The following CNTNAP5 variants were observed in gnomAD, a reference collection of about 807,000 sequenced individuals.
The protein encoded by CNTNAP5 is contactin-associated protein-like 5.
Under a neutral mutation model 150.2 loss-of-function variants are expected in CNTNAP5, and 72 were observed. The observed-to-expected ratio is 0.48, with a 90% CI of 0.40 to 0.58. The LOEUF is 0.58. Ranked by LOEUF, CNTNAP5 falls within the 20% of genes least tolerant of loss-of-function variation. The pLI, the probability that CNTNAP5 is intolerant of heterozygous loss-of-function variation, is 0.00. For missense variants in CNTNAP5, 1,636 were observed against 1,626.2 expected (o/e 1.01, Z -0.10); for synonymous variants, 672 against 619.8 (o/e 1.08, Z -1.25).
At chr2:124,337,780 T>C (rs1041865803) in intron 3 of CNTNAP5, among the ~76,000 whole-genome samples, 16 of 152,044 alleles carry the variant, frequency 1.1e-4, no homozygotes, top group African/African-American at 3.9e-4. Flanking sequence ...ACTGTAGCCT[T>C]GTAGTATAGT....
chr2:124,898,816 G>T (rs1678359233), intron 21 of CNTNAP5, among the ~76,000 whole-genome samples: 1 of 151,382 alleles, frequency 6.6e-6, no homozygotes, highest in Admixed American at 6.6e-5. Context: ...ATAGTAGGAG[G>T]AGTAAAAGAT....
At chr2:124,778,846 GA>G (rs78363063) in intron 17 of CNTNAP5, among the ~76,000 whole-genome samples, 19,627 of 137,722 alleles carry the variant, frequency 0.14, 2,496 homozygotes, top group African/African-American at 0.35. Flanking sequence ...AAGTTAAAAA[GA>G]AAAAAAAAAA....
At chr2:124,402,715 A>T (rs1172599244) in intron 3 of CNTNAP5, among the ~76,000 whole-genome samples, 1 of 152,212 alleles carries the variant, frequency 6.6e-6, no homozygotes, top group Non-Finnish European at 1.5e-5. Context: ...AACTGTCGCT[A>T]TTAAACGACA....
chr2:124,105,545 A>C (rs1683154819), intron 1 of CNTNAP5, among the ~76,000 whole-genome samples: 1 of 152,206 alleles, frequency 6.6e-6, no homozygotes, highest in Non-Finnish European at 1.5e-5. Flanking sequence ...ATTAATAAAA[A>C]ACAATATCTT....
chr2:124,451,242 AAAAC>A (rs978828923), intron 6 of CNTNAP5, among the ~76,000 whole-genome samples: 5 of 151,288 alleles, frequency 3.3e-5, no homozygotes, highest in African/African-American at 7.3e-5. Context: ...CTTAGTCAAA[AAAAC>A]AAACAAAAAA....
chr2:124,375,364 A>G (rs1690620457), intron 3 of CNTNAP5, among the ~76,000 whole-genome samples: 1 of 152,186 alleles, frequency 6.6e-6, no homozygotes, highest in Admixed American at 6.5e-5. Context: ...ATTCTCTTAA[A>G]TGATGCTCAA....
chr2:124,558,378 A>G (rs1021579539), intron 10 of CNTNAP5, among the ~76,000 whole-genome samples: 2 of 151,574 alleles, frequency 1.3e-5, no homozygotes, highest in African/African-American at 4.8e-5. Flanking sequence ...TGTGATAGTG[A>G]AGAACACAGG....
chr2:124,026,946 AG>A (rs1398791105), intron 1 of CNTNAP5, among the ~76,000 whole-genome samples: 1 of 152,206 alleles, frequency 6.6e-6, no homozygotes, highest in Admixed American at 6.5e-5. Context: ...TGTGGTGTAT[AG>A]AAAAATGTTC....
chr2:124,451,075 T>C (rs375573306), intron 6 of CNTNAP5, among the ~76,000 whole-genome samples: 1,965 of 81,574 alleles, frequency 0.024, 26 homozygotes, highest in Non-Finnish European at 0.033. Flanking sequence ...TATATATATA[T>C]ATACACACAC....
chr2:124,263,795 G>A (rs1687526841), intron 3 of CNTNAP5, among the ~76,000 whole-genome samples: 1 of 152,178 alleles, frequency 6.6e-6, no homozygotes, highest in Non-Finnish European at 1.5e-5. Flanking sequence ...TAACATTTAA[G>A]TCTTTAATCC....
At chr2:124,567,929 T>C (rs1218875107) in intron 11 of CNTNAP5, among the ~76,000 whole-genome samples, 2 of 151,098 alleles carry the variant, frequency 1.3e-5, no homozygotes, top group Non-Finnish European at 3.0e-5. Context: ...GGGATATGCA[T>C]AGTGTTATTA....
chr2:124,782,106 A>G (rs1348738436), intron 17 of CNTNAP5, among the ~76,000 whole-genome samples: 1 of 151,840 alleles, frequency 6.6e-6, no homozygotes, highest in Non-Finnish European at 1.5e-5. Flanking sequence ...TGAAGCCTGC[A>G]GTTTTCCCCT....
chr2:124,591,827 A>G (rs1696690442), intron 11 of CNTNAP5, among the ~76,000 whole-genome samples: 1 of 152,214 alleles, frequency 6.6e-6, no homozygotes. Context: ...ATAAGTCTTC[A>G]TCAAACAAGT....
intron 3 of CNTNAP5, among the ~76,000 whole-genome samples, chr2:124,263,603 G>T (rs1267418716): frequency 2.0e-5 from 3 of 152,120 alleles, no homozygotes; most frequent in Non-Finnish European, 2.9e-5. Context: ...TAGGTTGCCT[G>T]TTCACGCTGA....
At chr2:124,307,364 C>T (rs1300301221) in intron 3 of CNTNAP5, among the ~76,000 whole-genome samples, 1 of 152,134 alleles carries the variant, frequency 6.6e-6, no homozygotes, top group African/African-American at 2.4e-5. Flanking sequence ...GGTCCCATCT[C>T]CAAGTACCAT....
intron 10 of CNTNAP5, among the ~76,000 whole-genome samples, chr2:124,562,164 A>T (rs78385264): frequency 0.016 from 2,478 of 152,272 alleles, 64 homozygotes; most frequent in African/African-American, 0.056. Context: ...CTGGAAGAAA[A>T]AAATGTTACC....
At chr2:124,603,189 G>A (rs1221483735) in intron 11 of CNTNAP5, among the ~76,000 whole-genome samples, 1 of 151,902 alleles carries the variant, frequency 6.6e-6, no homozygotes, top group Admixed American at 6.6e-5. Context: ...TGCCATTTTT[G>A]TTGAAGAAAC....
chr2:124,440,402 G>A (rs1438597267), intron 5 of CNTNAP5, among the ~76,000 whole-genome samples: 1 of 151,946 alleles, frequency 6.6e-6, no homozygotes, highest in African/African-American at 2.4e-5. Flanking sequence ...TTTTTCTCAG[G>A]CTGTCTGAAA....
At chr2:124,221,931 T>G in intron 2 of CNTNAP5, 122 bp downstream of exon 2, 1 of 653,440 alleles carries the variant, frequency 1.5e-6, no homozygotes, top group Non-Finnish European at 2.7e-6. Flanking sequence ...AGGAAAATAT[T>G]TACGAGGAGA....
Sources: gnomAD v4.1 joint callset for allele counts (sites outside exome capture counted in the v4.1 genomes callset) on GRCh38, gnomAD v4.1.1 for gene constraint, MANE v1.5 for transcripts, NCBI Gene and HGNC (gene_info 2026-07-23, HGNC 2026-07-21) for gene names.